Variants in TRMT11 observed in about 807,000 individuals in gnomAD.
TRMT11 encodes tRNA methyltransferase 11, also known as tRNA (guanine(10)-N(2))-methyltransferase TRMT11.
Under a neutral mutation model 62.8 loss-of-function variants are expected in TRMT11, and 53 were observed. The ratio of observed to expected loss-of-function variants is 0.84; its 90% CI spans 0.68 to 1.06. The LOEUF is 1.06. Among genes scored for constraint, TRMT11 ranks in the 50% least tolerant of loss-of-function variants. The pLI, the probability that TRMT11 is intolerant of heterozygous loss-of-function variation, is 0.00. For synonymous variants in TRMT11, 188 were observed against 190.3 expected (o/e 0.99, Z 0.10); for missense variants, 556 against 553.4 (o/e 1.00, Z -0.05).
At chr6:126,185,014 A>C (rs1292093183) in intron 1 of TRMT11, among the ~76,000 whole-genome samples, 2 of 152,158 alleles carry the variant, frequency 1.3e-5, no homozygotes, top group Non-Finnish European at 2.9e-5. Context: ...TGGGTCTTTG[A>C]GATCATGTCT....
At chr6:126,246,824 A>G in the TRMT11 span, among the ~76,000 whole-genome samples, 1 of 152,204 alleles carries the variant, frequency 6.6e-6, no homozygotes, top group Non-Finnish European at 1.5e-5. Context: ...TACCAAAGGT[A>G]ATAAATTTAT....
In TRMT11 at chr6:126,102,025, C is replaced by T. The variant is rs186479217; in HGVS notation, c.*1438-10841C>T. Among the ~76,000 whole-genome samples the T allele has an allele frequency of 1.8e-3, 267 of 152,202 alleles. 1 individual carries two copies. Among genetic ancestry groups the T allele is most frequent in the African/African-American group, 5.7e-3 (237 of 41,520 alleles). ...ACATATGCCTCATGTTTATAAATGC[C>T]GATAGATGTAGTGCGTTCTAAATTT... On this transcript the variant is annotated intron_variant and NMD_transcript_variant, in intron 17 of 22. Transcript: ENST00000648977.
At position 125,995,982 on chromosome 6, in the gene TRMT11, C is replaced by T. The variant is rs1583640125; in HGVS notation, c.154C>T (p.Leu52Phe). 1.2e-6 allele frequency: 2 copies of T among 1,610,216 alleles called. No individual in the cohort carries two copies. Among genetic ancestry groups the T allele is most frequent in the Non-Finnish European group, 8.5e-7 (1 of 1,176,656 alleles). Residue 52 changes from leucine (L) to phenylalanine (F), a missense_variant, in exon 3 of 13, where the codon CTT becomes TTT. Transcript: ENST00000334379. ...ETYGKSPFWI[L>F]SIPSEDIARN... ...TTTCTTTTAGTCACCATTTTGGATTCTTAGCATTCCCTCTGAAGATATTGC... is the reference window on the plus strand; with the variant it reads ...TTTCTTTTAGTCACCATTTTGGATTTTTAGCATTCCCTCTGAAGATATTGC...
At chr6:126,219,188 G>A in the TRMT11 span, among the ~76,000 whole-genome samples, 4 of 152,076 alleles carry the variant, frequency 2.6e-5, no homozygotes, top group Non-Finnish European at 5.9e-5. Flanking sequence ...CTGATTTTTG[G>A]TTCCTATGAA....
At chr6:126,093,615 A>ATTTTTTTTTTTTT in intron 17 of TRMT11, among the ~76,000 whole-genome samples, 12 of 89,162 alleles carry the variant, frequency 1.3e-4, no homozygotes, top group African/African-American at 9.8e-4. Flanking sequence ...ATATATATAT[A>ATTTTTTTTTTTTT]TATATATATA....
At chr6:125,987,300 A>C (rs949634585) in intron 1 of TRMT11, 1 of 152,270 alleles carries the variant, frequency 6.6e-6, no homozygotes, top group Non-Finnish European at 1.5e-5. Context: ...GAGGGCTTCC[A>C]GAGGAGATGA....
At chr6:126,065,330 G>A (rs1363569857) in intron 17 of TRMT11, among the ~76,000 whole-genome samples, 1 of 152,068 alleles carries the variant, frequency 6.6e-6, no homozygotes, top group Non-Finnish European at 1.5e-5. Context: ...GGCAGGGCTG[G>A]AGTGGGAGCT....
downstream of TRMT11, among the ~76,000 whole-genome samples, chr6:126,039,933 CTT>C: frequency 6.6e-6 from 1 of 152,062 alleles, no homozygotes; most frequent in Non-Finnish European, 1.5e-5. Context: ...GCTTTGCTCT[CTT>C]TTTCTTGTCT....
At chr6:126,107,034 G>A (rs940296163) in intron 17 of TRMT11, among the ~76,000 whole-genome samples, 5 of 151,738 alleles carry the variant, frequency 3.3e-5, no homozygotes, top group African/African-American at 1.2e-4. Flanking sequence ...TAGCTTTTCA[G>A]GATATATTTT....
the TRMT11 span, among the ~76,000 whole-genome samples, chr6:126,212,696 A>G: frequency 6.6e-6 from 1 of 152,096 alleles, no homozygotes; most frequent in African/African-American, 2.4e-5. Flanking sequence ...TCAGAAGAAT[A>G]GTTTTCAAAT....
intron 9 of TRMT11, 31 bp from the exon 10 acceptor site, chr6:126,012,740 A>C (rs1333950884): frequency 6.4e-7 from 1 of 1,573,530 alleles, no homozygotes; most frequent in Non-Finnish European, 8.7e-7. Context: ...GTGACTTTTG[A>C]CTATCTGTGT....
At chr6:126,049,922 G>A (rs886533731) in intron 16 of TRMT11, among the ~76,000 whole-genome samples, 1 of 152,188 alleles carries the variant, frequency 6.6e-6, no homozygotes, top group African/African-American at 2.4e-5. Context: ...GAAGATGATA[G>A]GTACTAACTA....
At chr6:126,164,362 T>C (rs1778233879) in intron 21 of TRMT11, among the ~76,000 whole-genome samples, 1 of 152,172 alleles carries the variant, frequency 6.6e-6, no homozygotes, top group African/African-American at 2.4e-5. Flanking sequence ...ATTTCTGTTC[T>C]TTTGCAGTTG....
intron 8 of TRMT11, among the ~76,000 whole-genome samples, chr6:126,010,788 C>T (rs1383911718): frequency 6.6e-6 from 1 of 152,122 alleles, no homozygotes; most frequent in Non-Finnish European, 1.5e-5. Flanking sequence ...CTTTAGCCTT[C>T]CTTCCACTCC....
At chr6:126,071,473 C>G (rs1776854035) in intron 17 of TRMT11, among the ~76,000 whole-genome samples, 1 of 151,604 alleles carries the variant, frequency 6.6e-6, no homozygotes, top group East Asian at 1.9e-4. Context: ...GTAACTCAAT[C>G]AGAGAAAAGC....
intron 18 of TRMT11, among the ~76,000 whole-genome samples, chr6:126,114,366 A>G (rs984778330): frequency 1.2e-4 from 18 of 152,110 alleles, no homozygotes; most frequent in Non-Finnish European, 2.2e-4. Context: ...CCCAGTGAGG[A>G]CATCCAGGAA....
At chr6:125,992,556 C>A (rs1053784213) in intron 1 of TRMT11, among the ~76,000 whole-genome samples, 1 of 152,200 alleles carries the variant, frequency 6.6e-6, no homozygotes, top group African/African-American at 2.4e-5. Context: ...CCCTTAATAA[C>A]CACCTAGGTT....
intron 21 of TRMT11, among the ~76,000 whole-genome samples, chr6:126,151,927 C>CTTTCTT (rs1778059590): frequency 1.1e-5 from 1 of 92,164 alleles, no homozygotes; most frequent in African/African-American, 5.4e-5. Context: ...TTCTTTCTTT[C>CTTTCTT]TTTCTTTCTT....
intron 17 of TRMT11, among the ~76,000 whole-genome samples, chr6:126,092,217 C>T (rs973877614): frequency 2.6e-5 from 4 of 152,138 alleles, no homozygotes; most frequent in African/African-American, 9.7e-5. Context: ...TCAACTACCA[C>T]ACCTGGTGTA....
Sources: allele counts gnomAD v4.1 joint callset (sites outside exome capture counted in the v4.1 genomes callset), GRCh38; gene constraint gnomAD v4.1.1; transcripts MANE v1.5; gene names NCBI Gene and HGNC (gene_info 2026-07-23, HGNC 2026-07-21).